The following ADGRV1 variants were observed in gnomAD, a reference collection of about 807,000 sequenced individuals.
ADGRV1 encodes the protein G-protein coupled receptor 98.
ADGRV1 carries 359 observed loss-of-function variants against 596.2 expected under a neutral mutation model. The observed-to-expected ratio is 0.60, with a 90% CI of 0.55 to 0.66. The LOEUF is 0.66. ADGRV1 is among the 30% of genes least tolerant of loss of function. ADGRV1 has a pLI of 0.00. For missense variants in ADGRV1, 7,274 were observed against 7,575.6 expected (o/e 0.96, Z 1.48); for synonymous variants, 2,681 against 2,679.2 (o/e 1.00, Z -0.02).
intron 83 of ADGRV1, among the ~76,000 whole-genome samples, chr5:90,962,009 A>G (rs1418889187): frequency 6.6e-6 from 1 of 152,204 alleles, no homozygotes; most frequent in Non-Finnish European, 1.5e-5. Flanking sequence ...TGCTCGATTT[A>G]GCTTTGTAGG....
intron 85 of ADGRV1, among the ~76,000 whole-genome samples, chr5:90,997,410 C>T (rs1435121031): frequency 6.6e-6 from 1 of 152,120 alleles, no homozygotes; most frequent in Admixed American, 6.5e-5. Flanking sequence ...GAAGACATGC[C>T]TCCTTCCTCT....
chr5:90,563,718 G>C (rs1204339044), intron 1 of ADGRV1, among the ~76,000 whole-genome samples: 1 of 152,216 alleles, frequency 6.6e-6, no homozygotes, highest in Non-Finnish European at 1.5e-5. Context: ...AGGTTTAAAA[G>C]AGAAAAGATT....
intron 6 of ADGRV1, chr5:90,625,686 C>G (rs560349435): frequency 1.3e-5 from 2 of 152,606 alleles, no homozygotes; most frequent in Admixed American, 1.3e-4. Context: ...CTGCAAGCTC[C>G]GCCTCCAGGG....
intron 85 of ADGRV1, among the ~76,000 whole-genome samples, chr5:91,065,829 A>G (rs1787835717): frequency 6.6e-6 from 1 of 152,226 alleles, no homozygotes; most frequent in East Asian, 1.9e-4. Flanking sequence ...AAGGTAATGA[A>G]ACAGCATCTA....
At chr5:91,090,901 GGGATA>G (rs1022997063) in intron 86 of ADGRV1, among the ~76,000 whole-genome samples, 14 of 152,174 alleles carry the variant, frequency 9.2e-5, no homozygotes, top group Admixed American at 3.3e-4. Context: ...TAGAGTGGAT[GGGATA>G]GGATAGGATA....
intron 1 of ADGRV1, 140 bp downstream of exon 1, chr5:90,559,057 C>A (rs1754452432): frequency 1.1e-5 from 7 of 621,646 alleles, no homozygotes; most frequent in Non-Finnish European, 1.7e-5. Context: ...AGGCTGGGCG[C>A]GCACCCGGCG....
At chr5:91,054,417 T>G (rs1296641712) in intron 85 of ADGRV1, among the ~76,000 whole-genome samples, 2 of 152,100 alleles carry the variant, frequency 1.3e-5, no homozygotes, top group Admixed American at 1.3e-4. Flanking sequence ...GGGCAAAAAA[T>G]CATGAGGATG....
At chr5:90,727,223 G>A (rs2149804811) in intron 48 of ADGRV1, among the ~76,000 whole-genome samples, 1 of 152,192 alleles carries the variant, frequency 6.6e-6, no homozygotes, top group South Asian at 2.1e-4. Context: ...GGGTGGCTGG[G>A]TCAACAGGCG....
In ADGRV1 at chr5:90,853,265, C is replaced by G; in HGVS notation, c.17205-19C>G. On this transcript the variant is annotated intron_variant, in intron 79 of 89. Transcript: ENST00000405460. ...CAAATACATGCCATTTTTACAGACC[C>G]TTTGCTTTTCTGTTGTAGAAGCAAA... 1 of 1,585,350 alleles carries G rather than the reference C, an allele frequency of 6.3e-7. No individual in the cohort carries two copies. The highest frequency in any genetic ancestry group is 8.6e-7 in the Non-Finnish European group (1 of 1,165,346).
In ADGRV1 at chr5:90,755,165, G is replaced by A; in HGVS notation, c.11560G>A (p.Ala3854Thr). The A allele has an allele frequency of 6.2e-7, 1 of 1,603,072 alleles. No homozygotes were observed. The highest frequency in any genetic ancestry group is 8.5e-7 in the Non-Finnish European group (1 of 1,178,010). ...GAAAGAAAACATAAAAGAAGCTCATGCCGAAGTTTCCATTTTGCCGGTAAG... is the reference window on the plus strand; with the variant it reads ...GAAAGAAAACATAAAAGAAGCTCATACCGAAGTTTCCATTTTGCCGGTAAG... ...IMKENIKEAHAEVSILPDDLP... is the reference protein window; with the variant it reads ...IMKENIKEAHTEVSILPDDLP... The change falls in exon 55 of 90, where the codon GCC (alanine) becomes ACC (threonine). Residue 3854 changes from alanine (A) to threonine (T), a missense_variant. Physicochemically the swap from Ala to Thr is moderately conservative, Grantham distance 58. Around this residue, in one of 5 missense-constraint regions of ADGRV1, gnomAD observed 3,643 missense variants for 3,809.2 expected, o/e 0.96. Coordinates refer to ENST00000405460, the MANE Select transcript of ADGRV1 (RefSeq NM_032119.4).
At chr5:91,124,571 T>C (rs895588351) in intron 87 of ADGRV1, among the ~76,000 whole-genome samples, 3 of 152,180 alleles carry the variant, frequency 2.0e-5, no homozygotes, top group Admixed American at 1.3e-4. Context: ...ATTCCCAGTA[T>C]TGACTTTAGC....
intron 83 of ADGRV1, among the ~76,000 whole-genome samples, chr5:90,915,049 A>G (rs1404705138): frequency 6.6e-6 from 1 of 152,186 alleles, no homozygotes; most frequent in African/African-American, 2.4e-5. Context: ...ATAATAAAAT[A>G]TTACTACTGT....
At chr5:90,787,169 G>A (rs1197638579) in intron 67 of ADGRV1, among the ~76,000 whole-genome samples, 2 of 152,144 alleles carry the variant, frequency 1.3e-5, no homozygotes, top group Non-Finnish European at 2.9e-5. Flanking sequence ...GTCAGCTGGA[G>A]GGCTGCTGAT....
intron 68 of ADGRV1, among the ~76,000 whole-genome samples, chr5:90,788,820 C>T (rs1307095389): frequency 6.6e-6 from 1 of 151,362 alleles, no homozygotes; most frequent in East Asian, 1.9e-4. Flanking sequence ...TCAGAGTTTT[C>T]CTGAGAAACA....
intron 86 of ADGRV1, among the ~76,000 whole-genome samples, chr5:91,096,104 A>C (rs75117248): frequency 0.049 from 7,502 of 152,294 alleles, 263 homozygotes; most frequent in East Asian, 0.13. Flanking sequence ...TCTATGTTTT[A>C]CATTGATGGG....
At chr5:91,057,846 T>A (rs535107273) in intron 85 of ADGRV1, among the ~76,000 whole-genome samples, 319 of 152,272 alleles carry the variant, frequency 2.1e-3, no homozygotes, top group Non-Finnish European at 3.0e-3. Context: ...TATGCAAAAA[T>A]GTTGATGTGT....
intron 1 of ADGRV1, among the ~76,000 whole-genome samples, chr5:90,563,271 A>T (rs1040262917): frequency 6.6e-6 from 1 of 152,242 alleles, no homozygotes; most frequent in Non-Finnish European, 1.5e-5. Context: ...ATTTGGTTAC[A>T]TGCAACGAAG....
rs1758564362 is a variant in ADGRV1 at position 90,778,995 on chromosome 5, G to C, written c.12980G>C (p.Gly4327Ala). ...GCAGGGGAGCTCCTCTTTGAAGCAG[G>C]GGAGATGAGGAAAAGTCTGCATGTT... Reference protein sequence around the residue: ...PAAGELLFEAGEMRKSLHVEI... With the variant: ...PAAGELLFEAAEMRKSLHVEI... Residue 4327 changes from glycine (G) to alanine (A), a missense_variant, in exon 64 of 90, where the codon GGG becomes GCG. Transcript: ENST00000405460. The C allele has an allele frequency of 6.2e-7, 1 of 1,613,324 alleles. No individual in the cohort carries two copies. Among genetic ancestry groups the C allele is most frequent in the East Asian group, 2.2e-5 (1 of 44,874 alleles).
chr5:90,747,440 T>C (rs1754750872), intron 52 of ADGRV1, among the ~76,000 whole-genome samples: 1 of 151,952 alleles, frequency 6.6e-6, no homozygotes, highest in African/African-American at 2.4e-5. Flanking sequence ...CGGCAAAGAA[T>C]ACAAAATAAA....
Sources: gnomAD v4.1 joint callset for allele counts (sites outside exome capture counted in the v4.1 genomes callset) on GRCh38, gnomAD v4.1.1 for gene constraint, gnomAD v4.1.1 regional missense constraint, MANE v1.5 for transcripts, NCBI Gene and HGNC (gene_info 2026-07-23, HGNC 2026-07-21) for gene names.